The following CDH4 variants were observed in gnomAD, a reference collection of about 807,000 sequenced individuals.
CDH4 encodes cadherin 4.
Under a neutral mutation model 86.0 loss-of-function variants are expected in CDH4, and 33 were observed. The ratio of observed to expected loss-of-function variants is 0.38; its 90% CI spans 0.29 to 0.51. The LOEUF (loss-of-function observed/expected upper bound fraction) is 0.51, where lower values mean the gene tolerates loss of function less well. Ranked by LOEUF, CDH4 falls within the 20% of genes least tolerant of loss-of-function variation. CDH4 has a pLI of 0.86. For synonymous variants in CDH4, 555 were observed against 549.4 expected, an observed-to-expected ratio of 1.01 and a Z score of -0.14; for missense variants, 1,114 against 1,307.4, an observed-to-expected ratio of 0.85 and a Z score of 2.28.
chr20:61,822,573 G>T (rs931655536), intron 4 of CDH4, among the ~76,000 whole-genome samples: 2 of 152,184 alleles, frequency 1.3e-5, no homozygotes, highest in Non-Finnish European at 2.9e-5. Flanking sequence ...GCAGGGAGGG[G>T]AGGGTGCCAG....
chr20:61,822,186 T>C (rs959438408), intron 4 of CDH4, among the ~76,000 whole-genome samples: 1 of 152,264 alleles, frequency 6.6e-6, no homozygotes, highest in South Asian at 2.1e-4. Flanking sequence ...ATGAATTATG[T>C]GTTCATTACG....
At chr20:61,685,278 T>A (rs2087561709) in intron 2 of CDH4, among the ~76,000 whole-genome samples, 1 of 152,212 alleles carries the variant, frequency 6.6e-6, no homozygotes, top group Non-Finnish European at 1.5e-5. Context: ...TCACTCTCCA[T>A]GCGCTGCTAC....
At chr20:61,868,781 C>T (rs1983665395) in intron 6 of CDH4, among the ~76,000 whole-genome samples, 1 of 152,222 alleles carries the variant, frequency 6.6e-6, no homozygotes, top group Non-Finnish European at 1.5e-5. Context: ...GGAGCTGCCT[C>T]TCCTCTTGTC....
intron 2 of CDH4, among the ~76,000 whole-genome samples, chr20:61,542,243 G>A (rs1468423946): frequency 6.6e-6 from 1 of 152,198 alleles, no homozygotes; most frequent in Non-Finnish European, 1.5e-5. Flanking sequence ...ATTTTCTGTT[G>A]TTATAAACAG....
At chr20:61,494,048 G>A (rs2085642676) in intron 2 of CDH4, among the ~76,000 whole-genome samples, 1 of 152,190 alleles carries the variant, frequency 6.6e-6, no homozygotes, top group African/African-American at 2.4e-5. Context: ...AGCAGGCTGG[G>A]GAGAAAATGG....
At chr20:61,889,678 T>G (rs1024416294) in intron 7 of CDH4, among the ~76,000 whole-genome samples, 4 of 145,552 alleles carry the variant, frequency 2.7e-5, no homozygotes, top group Admixed American at 2.7e-4. Context: ...GATGGATGAG[T>G]GAGTGGATAG....
chr20:61,691,605 G>A (rs560225481), intron 2 of CDH4, among the ~76,000 whole-genome samples: 1 of 152,308 alleles, frequency 6.6e-6, no homozygotes, highest in East Asian at 1.9e-4. Flanking sequence ...GTGAACTGAT[G>A]CAAACCTACA....
chr20:61,710,923 C>T (rs2087884615), intron 2 of CDH4, among the ~76,000 whole-genome samples: 2 of 152,194 alleles, frequency 1.3e-5, no homozygotes, highest in East Asian at 1.9e-4. Flanking sequence ...TCTAACAAAT[C>T]GCCATGAGCT....
intron 2 of CDH4, among the ~76,000 whole-genome samples, chr20:61,444,067 TG>T (rs879468842): frequency 0.53 from 79,317 of 149,904 alleles, 21,008 homozygotes; most frequent in Admixed American, 0.58. Flanking sequence ...TGTCTGTGTG[TG>T]TGTCTGTGTG....
chr20:61,538,585 G>A (rs2086015748), intron 2 of CDH4, among the ~76,000 whole-genome samples: 3 of 152,180 alleles, frequency 2.0e-5, no homozygotes, highest in Non-Finnish European at 1.5e-5. Context: ...CTGGGTGGAT[G>A]CAGTGAGGAC....
At chr20:61,391,421 T>C (rs1029268423) in intron 2 of CDH4, among the ~76,000 whole-genome samples, 1 of 152,114 alleles carries the variant, frequency 6.6e-6, no homozygotes, top group Non-Finnish European at 1.5e-5. Flanking sequence ...CTGCGGTAGA[T>C]GAGAATGTCC....
intron 2 of CDH4, among the ~76,000 whole-genome samples, chr20:61,308,150 A>C (rs186247199): frequency 6.6e-6 from 1 of 152,310 alleles, no homozygotes; most frequent in East Asian, 1.9e-4. Flanking sequence ...GGGGCATGCA[A>C]ATATTCCTTT....
chr20:61,905,676 C>T (rs1315963066), intron 8 of CDH4, among the ~76,000 whole-genome samples: 2 of 152,240 alleles, frequency 1.3e-5, no homozygotes, highest in African/African-American at 4.8e-5. Flanking sequence ...TTGCCAGGAT[C>T]AGGCCCTCTC....
intron 5 of CDH4, among the ~76,000 whole-genome samples, chr20:61,849,957 A>C (rs1383803728): frequency 6.6e-6 from 1 of 152,184 alleles, no homozygotes; most frequent in Non-Finnish European, 1.5e-5. Context: ...CAGTGTCTTT[A>C]GATCCTGTTC....
intron 2 of CDH4, among the ~76,000 whole-genome samples, chr20:61,319,765 T>C (rs1209973649): frequency 2.7e-5 from 4 of 149,832 alleles, no homozygotes; most frequent in East Asian, 2.0e-4. Context: ...GGCCAAAACA[T>C]GGTAAAACAC....
chr20:61,290,672 C>T (rs2123182505), intron 2 of CDH4, among the ~76,000 whole-genome samples: 1 of 152,290 alleles, frequency 6.6e-6, no homozygotes, highest in East Asian at 1.9e-4. Flanking sequence ...CAGAAGATGG[C>T]ACAGGTGTAA....
At chr20:61,697,691 C>T (rs939981998) in intron 2 of CDH4, among the ~76,000 whole-genome samples, 1 of 152,208 alleles carries the variant, frequency 6.6e-6, no homozygotes, top group African/African-American at 2.4e-5. Flanking sequence ...GACTGCAAAC[C>T]ACTGAAATCT....
At chr20:61,726,569 A>G (rs2088113704) in intron 2 of CDH4, among the ~76,000 whole-genome samples, 1 of 151,940 alleles carries the variant, frequency 6.6e-6, no homozygotes. Flanking sequence ...AAGAACTGCC[A>G]TCATCATCAT....
At chr20:61,873,652 G>C (rs990572602) in intron 6 of CDH4, 76 bp from the exon 7 acceptor site, 4 of 1,484,884 alleles carry the variant, frequency 2.7e-6, no homozygotes, top group African/African-American at 1.4e-5. Flanking sequence ...TGGTCGGGGG[G>C]CTCTGCCCAG....
Sources: allele counts gnomAD v4.1 joint callset (sites outside exome capture counted in the v4.1 genomes callset), GRCh38; gene constraint gnomAD v4.1.1; transcripts MANE v1.5; gene names NCBI Gene and HGNC (gene_info 2026-07-23, HGNC 2026-07-21).